Variants in DAAM2 observed in about 807,000 individuals in gnomAD.
The protein encoded by DAAM2 is disheveled-associated activator of morphogenesis 2.
In DAAM2, 39 loss-of-function variants were observed where a neutral mutation model predicts 120.7. That is an observed-to-expected ratio of 0.32 (90% CI 0.25 to 0.42). The LOEUF (loss-of-function observed/expected upper bound fraction) is 0.42, where lower values mean the gene tolerates loss of function less well. Ranked by LOEUF, DAAM2 falls within the 10% of genes least tolerant of loss-of-function variation. DAAM2 has a pLI of 1.00. For synonymous variants in DAAM2, 488 were observed against 524.9 expected, an observed-to-expected ratio of 0.93 and a Z score of 0.96; for missense variants, 1,283 against 1,401.7, an observed-to-expected ratio of 0.92 and a Z score of 1.35.
rs1474771415 is a variant in DAAM2, at chr6:39,811,941, C to T, written c.-57+19476C>T. 2.6e-5 allele frequency among the ~76,000 whole-genome samples: 4 copies of T among 152,134 alleles called. No individual in the cohort carries two copies. The East Asian group carries it at 7.7e-4, about 29-fold the overall frequency. On this transcript the variant is annotated intron_variant, in intron 1 of 24. Transcript: ENST00000274867. ...GGAACTGAGACTGAGGATGCAGGGC[C>T]CCTGTAGACCCTCTGTGATTTCATT...
At chr6:39,847,938 CT>C (rs1317917871) in intron 1 of DAAM2, among the ~76,000 whole-genome samples, 1 of 152,228 alleles carries the variant, frequency 6.6e-6, no homozygotes, top group East Asian at 1.9e-4. Flanking sequence ...CAAGGCCCTC[CT>C]TTTTCTGGCT....
chr6:39,853,841 T>C (rs1763902886), intron 1 of DAAM2, among the ~76,000 whole-genome samples: 1 of 152,210 alleles, frequency 6.6e-6, no homozygotes, highest in Non-Finnish European at 1.5e-5. Context: ...AGCTGCGTTC[T>C]GGAGGCTGAT....
rs574793504 is a variant in DAAM2 at position 39,870,512 on chromosome 6, C to T, written c.977+69C>T. On this transcript the variant is annotated intron_variant, in intron 8 of 24. Transcript: ENST00000274867. Reference sequence around the variant, plus strand: ...GTGCCTCAGATGGGGATAGTTGGGACCTTTGTGAAGGCTGCCCTTCCCTCT... The same window carrying T: ...GTGCCTCAGATGGGGATAGTTGGGATCTTTGTGAAGGCTGCCCTTCCCTCT... The T allele has an allele frequency of 1.1e-5, 11 of 1,024,762 alleles. No individual in the cohort carries two copies. The African/African-American group carries it at 1.7e-4, about 16-fold the overall frequency. The allele number at this position is 1,024,762 out of a possible 1,614,324, so 63.5% of individuals were successfully genotyped here. A position where few individuals can be genotyped will look rare whatever the true frequency, so the allele number is the denominator to read the frequency against.
At chr6:39,827,761 A>T (rs1306897125) in intron 1 of DAAM2, among the ~76,000 whole-genome samples, 1 of 152,096 alleles carries the variant, frequency 6.6e-6, no homozygotes, top group Non-Finnish European at 1.5e-5. Flanking sequence ...ACCAAAGGGG[A>T]ATCTGGAAAA....
At position 39,870,428 on chromosome 6, in the gene DAAM2, A is replaced by C. The variant is rs1764610799; in HGVS notation, c.962A>C (p.Asn321Thr). Residue 321 changes from asparagine (N) to threonine (T), a missense_variant, in exon 8 of 25, where the codon AAT becomes ACT. By Grantham distance (65) the Asn-to-Thr change is moderately conservative. This residue lies in a region of DAAM2 where 338 missense variants were observed against 443.9 expected (regional missense o/e 0.76). Coordinates refer to ENST00000274867, the MANE Select transcript of DAAM2 (RefSeq NM_001201427.2). ...ATTGACAAGCTCCGGCAACATGAAAATGCCATCCTGGACAAGTAAGTTCCA... is the reference window on the plus strand; with the variant it reads ...ATTGACAAGCTCCGGCAACATGAAACTGCCATCCTGGACAAGTAAGTTCCA... ...PVIDKLRQHENAILDKHLDFF... is the reference protein window; with the variant it reads ...PVIDKLRQHETAILDKHLDFF... 1.3e-6 allele frequency: 2 copies of C among 1,576,846 alleles called. No individual in the cohort carries two copies. Among genetic ancestry groups the C allele is most frequent in the African/African-American group, 1.3e-5 (1 of 74,252 alleles).
chr6:39,899,132 C>G (rs139726952), intron 22 of DAAM2, 195 bp downstream of exon 22: 45 of 578,682 alleles, frequency 7.8e-5, no homozygotes, highest in Non-Finnish European at 1.1e-4. Flanking sequence ...TAAGACTATA[C>G]CCATGTTACT....
At chr6:39,874,518 G>T (rs1188842216) in intron 10 of DAAM2, among the ~76,000 whole-genome samples, 2 of 152,204 alleles carry the variant, frequency 1.3e-5, no homozygotes, top group African/African-American at 2.4e-5. Flanking sequence ...TGGGCAATGT[G>T]AATGGGTTCT....
At chr6:39,875,530 G>C in intron 11 of DAAM2, 62 bp downstream of exon 11, 1 of 1,561,324 alleles carries the variant, frequency 6.4e-7, no homozygotes, top group Non-Finnish European at 8.7e-7. Context: ...TCCCACTCTG[G>C]TCTCACCAGC....
At chr6:39,884,420 G>A (rs1395547168) in intron 15 of DAAM2, 1 of 209,788 alleles carries the variant, frequency 4.8e-6, no homozygotes, top group Non-Finnish European at 9.7e-6. Context: ...AGAGTCGCAA[G>A]GCCTGACCAC....
chr6:39,817,329 C>T (rs1052369667), intron 1 of DAAM2, among the ~76,000 whole-genome samples: 4 of 152,148 alleles, frequency 2.6e-5, no homozygotes, highest in Admixed American at 2.0e-4. Context: ...AAAGATTATG[C>T]GTAATAACAC....
chr6:39,844,522 G>A (rs1358204149), intron 1 of DAAM2, among the ~76,000 whole-genome samples: 2 of 152,064 alleles, frequency 1.3e-5, no homozygotes, highest in Non-Finnish European at 2.9e-5. Flanking sequence ...GACCTCTCTG[G>A]GTTGTTGTAA....
chr6:39,833,967 G>A (rs898421332), intron 1 of DAAM2, among the ~76,000 whole-genome samples: 12 of 152,194 alleles, frequency 7.9e-5, no homozygotes, highest in African/African-American at 2.9e-4. Context: ...AAGGCTTAGA[G>A]AAGTCAAGCA....
intron 1 of DAAM2, among the ~76,000 whole-genome samples, chr6:39,855,009 C>T (rs1051261263): frequency 6.6e-6 from 1 of 152,116 alleles, no homozygotes; most frequent in Admixed American, 6.5e-5. Context: ...AATCTGAGTC[C>T]AGGAGAAATA....
intron 17 of DAAM2, 83 bp from the exon 18 acceptor site, chr6:39,891,258 C>T (rs1765696579): frequency 9.0e-7 from 1 of 1,106,352 alleles, no homozygotes; most frequent in Non-Finnish European, 1.3e-6. Context: ...CATCTTGACC[C>T]AAGTCAGTAC....
Position 39,864,972 on chromosome 6 carries a change from G to T in DAAM2, c.334-8G>T. On this transcript the variant is annotated splice_polypyrimidine_tract_variant and splice_region_variant and intron_variant, in intron 4 of 24. Transcript: ENST00000274867. ...ACAGGCAGCCCCTTTCTACCTGCTGGCCCTCAGATGCAGAGTCTGTACGCG... is the reference window on the plus strand; with the variant it reads ...ACAGGCAGCCCCTTTCTACCTGCTGTCCCTCAGATGCAGAGTCTGTACGCG... 2.5e-6 allele frequency: 4 copies of T among 1,595,970 alleles called. No homozygotes were observed. Among genetic ancestry groups the T allele is most frequent in the Non-Finnish European group, 3.4e-6 (4 of 1,171,562 alleles).
chr6:39,867,339 C>A, intron 5 of DAAM2, 171 bp from the exon 6 acceptor site: 1 of 621,276 alleles, frequency 1.6e-6, no homozygotes. Context: ...AGACACAAGT[C>A]TTTTGTGAAG....
At chr6:39,883,191 T>A (rs1765212470) in intron 14 of DAAM2, among the ~76,000 whole-genome samples, 1 of 151,712 alleles carries the variant, frequency 6.6e-6, no homozygotes, top group Admixed American at 6.6e-5. Context: ...GGGCTTTTTT[T>A]TTTTTTTTTG....
chr6:39,876,167 G>T (rs570276461), intron 11 of DAAM2, among the ~76,000 whole-genome samples: 1 of 152,252 alleles, frequency 6.6e-6, no homozygotes, highest in Admixed American at 6.5e-5. Context: ...GAAACACAGA[G>T]AAACATTTAA....
chr6:39,835,859 T>C (rs1178560803), intron 1 of DAAM2, among the ~76,000 whole-genome samples: 1 of 152,106 alleles, frequency 6.6e-6, no homozygotes, highest in East Asian at 1.9e-4. Flanking sequence ...GGTGGGGAAC[T>C]GAGGGAAGTC....
Sources: allele counts gnomAD v4.1 joint callset (sites outside exome capture counted in the v4.1 genomes callset), GRCh38; gene constraint gnomAD v4.1.1; regional missense constraint gnomAD v4.1.1; transcripts MANE v1.5; gene names NCBI Gene and HGNC (gene_info 2026-07-23, HGNC 2026-07-21).